The following STK33 variants were observed in gnomAD, a reference collection of about 807,000 sequenced individuals.
STK33 encodes serine/threonine-protein kinase 33.
Under a neutral mutation model 58.0 loss-of-function variants are expected in STK33, and 52 were observed. The ratio of observed to expected loss-of-function variants is 0.90; its 90% CI spans 0.72 to 1.13. STK33 has a LOEUF of 1.13. Among genes scored for constraint, STK33 ranks in the 50% most tolerant of loss-of-function variants. The probability of loss-of-function intolerance (pLI) is 0.00; values close to 1 mark genes in which losing one functional copy is unlikely to be tolerated. For missense variants in STK33, 630 were observed against 604.2 expected (o/e 1.04, Z -0.45); for synonymous variants, 215 against 200.1 (o/e 1.07, Z -0.63).
chr11:8,557,990 C>G (rs1218555430), intron 1 of STK33, among the ~76,000 whole-genome samples: 2 of 152,094 alleles, frequency 1.3e-5, no homozygotes, highest in African/African-American at 4.8e-5. Flanking sequence ...GACCTTATCT[C>G]AAGATGCAGC....
intron 4 of STK33, chr11:8,475,840 C>G (rs1949216569): frequency 6.6e-6 from 1 of 152,088 alleles, no homozygotes; most frequent in South Asian, 2.1e-4. Context: ...TGGTTTTATG[C>G]TATACCATTT....
At chr11:8,584,266 CAAG>C (rs1158436267) in intron 1 of STK33, among the ~76,000 whole-genome samples, 1 of 152,156 alleles carries the variant, frequency 6.6e-6, no homozygotes, top group Non-Finnish European at 1.5e-5. Context: ...AATCTTCTTT[CAAG>C]GCCGGGTCCT....
At chr11:8,527,511 C>T (rs1170165970) in intron 1 of STK33, among the ~76,000 whole-genome samples, 1 of 151,720 alleles carries the variant, frequency 6.6e-6, no homozygotes, top group East Asian at 1.9e-4. Flanking sequence ...AAGGTATTTC[C>T]CCAGGAAGAA....
intron 1 of STK33, among the ~76,000 whole-genome samples, chr11:8,498,460 C>T (rs1951232079): frequency 6.6e-6 from 1 of 152,162 alleles, no homozygotes; most frequent in Non-Finnish European, 1.5e-5. Flanking sequence ...AATGAAAAAA[C>T]ATTCCATGCT....
intron 11 of STK33, among the ~76,000 whole-genome samples, chr11:8,442,221 T>C (rs962368732): frequency 6.6e-6 from 1 of 152,232 alleles, no homozygotes; most frequent in South Asian, 2.1e-4. Flanking sequence ...CTCCAAATGA[T>C]TGAAAATTAA....
chr11:8,535,888 A>G (rs2311437), intron 1 of STK33, among the ~76,000 whole-genome samples: 151,153 of 152,318 alleles, frequency 0.99, 75,014 homozygotes, highest in East Asian at 1. Flanking sequence ...TATATATACT[A>G]GAATACTGGA....
chr11:8,402,930 C>T (rs1290293928), intron 15 of STK33, among the ~76,000 whole-genome samples: 1 of 152,172 alleles, frequency 6.6e-6, no homozygotes, highest in Non-Finnish European at 1.5e-5. Flanking sequence ...TATGCTGTCA[C>T]TGATGCAATT....
At chr11:8,523,465 G>A in intron 1 of STK33, among the ~76,000 whole-genome samples, 1 of 151,416 alleles carries the variant, frequency 6.6e-6, no homozygotes, top group East Asian at 2.0e-4. Flanking sequence ...GAAGTGAGGA[G>A]CCCCTCCACC....
At chr11:8,511,951 T>C (rs182072871) in intron 1 of STK33, among the ~76,000 whole-genome samples, 1 of 152,254 alleles carries the variant, frequency 6.6e-6, no homozygotes, top group Admixed American at 6.5e-5. Context: ...GTCATAACTC[T>C]AAGATATAAA....
chr11:8,391,532 T>C (rs556319424), downstream of STK33, among the ~76,000 whole-genome samples: 19 of 152,278 alleles, frequency 1.2e-4, no homozygotes, highest in South Asian at 3.9e-3. Flanking sequence ...ATGTGGGCCA[T>C]TTTGGAGACC....
At chr11:8,571,808 G>C (rs1426702565) in intron 1 of STK33, among the ~76,000 whole-genome samples, 2 of 149,872 alleles carry the variant, frequency 1.3e-5, no homozygotes, top group Middle Eastern at 3.4e-3. Context: ...ACTCCAGCCT[G>C]GGCGACAGAG....
In STK33 at chr11:8,457,418, T is replaced by C; in HGVS notation, c.620A>G (p.Lys207Arg). The C allele has an allele frequency of 6.2e-7, 1 of 1,608,184 alleles. No individual in the cohort carries two copies. ...TGTCTCATTCTCTGAGAAATGCCCT[T>C]TCCTATCCAGAATTTCTTTGAGTTC... The part of the protein sequence containing the change: ...DGELKEILDR[K>R]GHFSENETRW... Residue 207 changes from lysine to arginine, a missense_variant, in exon 9 of 16, where the codon AAA becomes AGA. Coordinates refer to ENST00000687296, the MANE Select transcript of STK33 (RefSeq NM_001352389.2).
intron 1 of STK33, among the ~76,000 whole-genome samples, chr11:8,566,868 T>C (rs531591062): frequency 4.6e-5 from 7 of 152,276 alleles, no homozygotes; most frequent in South Asian, 4.1e-4. Context: ...ACCTATGACA[T>C]TGTTAAAATA....
At chr11:8,556,369 G>C (rs1357517345) in intron 1 of STK33, among the ~76,000 whole-genome samples, 2 of 152,140 alleles carry the variant, frequency 1.3e-5, no homozygotes, top group African/African-American at 2.4e-5. Flanking sequence ...AGGAATTCAG[G>C]AATTCATTTA....
Position 8,474,898 on chromosome 11 carries a change from T to A in STK33, c.8A>T (p.Asp3Val), listed in dbSNP as rs146489886. Reference protein sequence around the residue: MADSGLDKKSTKC... With the variant: MAVSGLDKKSTKC... Reference sequence around the variant, plus strand: ...TGTGGATTTTTTATCTAAGCCACTATCAGCCATTTGTTTAACTCTGCAACA... The same window carrying A: ...TGTGGATTTTTTATCTAAGCCACTAACAGCCATTTGTTTAACTCTGCAACA... The change falls in exon 5 of 16, where the codon GAT becomes GTT. Residue 3 changes from aspartate (D) to valine (V), a missense_variant. By Grantham distance (152) the Asp-to-Val change is radical (BLOSUM62 -3). Coordinates refer to ENST00000687296, the MANE Select transcript of STK33 (RefSeq NM_001352389.2). 1.3e-6 allele frequency: 2 copies of A among 1,584,134 alleles called. No homozygotes were observed. Among genetic ancestry groups the A allele is most frequent in the African/African-American group, 2.7e-5 (2 of 73,372 alleles).
chr11:8,541,658 G>A (rs1244590067), intron 1 of STK33, among the ~76,000 whole-genome samples: 3 of 151,866 alleles, frequency 2.0e-5, no homozygotes, highest in Admixed American at 6.6e-5. Context: ...TCCTAAATTC[G>A]TTGCTATTTT....
chr11:8,378,783 G>GAA, the STK33 span, among the ~76,000 whole-genome samples: 1 of 149,222 alleles, frequency 6.7e-6, no homozygotes, highest in Non-Finnish European at 1.5e-5. Flanking sequence ...CACAGAGTTA[G>GAA]AAAAAAAAAA....
intron 1 of STK33, among the ~76,000 whole-genome samples, chr11:8,577,152 T>C (rs1000097865): frequency 6.6e-6 from 1 of 152,136 alleles, no homozygotes; most frequent in Non-Finnish European, 1.5e-5. Flanking sequence ...GATACAACTA[T>C]CAAAATATGG....
chr11:8,340,023 G>A, the STK33 span, among the ~76,000 whole-genome samples: 1 of 152,278 alleles, frequency 6.6e-6, no homozygotes, highest in Non-Finnish European at 1.5e-5. Context: ...CCAGCACCTT[G>A]TTGAGCAGCT....
Sources: gnomAD v4.1 joint callset for allele counts (sites outside exome capture counted in the v4.1 genomes callset) on GRCh38, gnomAD v4.1.1 for gene constraint, MANE v1.5 for transcripts, NCBI Gene and HGNC (gene_info 2026-07-23, HGNC 2026-07-21) for gene names.